VPS53: variants seen among roughly 807,000 people sequenced by gnomAD.
The protein encoded by VPS53 is vacuolar protein sorting-associated protein 53 homolog.
In VPS53, 70 loss-of-function variants were observed where a neutral mutation model predicts 107.0. The ratio of observed to expected loss-of-function variants is 0.65; its 90% CI spans 0.54 to 0.80. The LOEUF is 0.80. Ranked by LOEUF, VPS53 falls within the 30% of genes least tolerant of loss-of-function variation. VPS53 has a pLI of 0.00. For synonymous variants in VPS53, 409 were observed against 393.3 expected (o/e 1.04, Z -0.47); for missense variants, 917 against 1,049.4 (o/e 0.87, Z 1.74).
At chr17:682,473 C>T (rs1386118747) in intron 4 of VPS53, among the ~76,000 whole-genome samples, 2 of 152,084 alleles carry the variant, frequency 1.3e-5, no homozygotes, top group African/African-American at 4.8e-5. Context: ...AGAACCGTCT[C>T]CATGTAGAAG....
intron 15 of VPS53, among the ~76,000 whole-genome samples, chr17:555,303 C>T (rs1332037992): frequency 1.3e-5 from 2 of 152,304 alleles, no homozygotes; most frequent in Admixed American, 6.5e-5. Flanking sequence ...TTATTCCTCT[C>T]CCTGAAACAT....
intron 11 of VPS53, among the ~76,000 whole-genome samples, chr17:607,317 T>C (rs998694643): frequency 6.6e-6 from 1 of 152,210 alleles, no homozygotes; most frequent in Non-Finnish European, 1.5e-5. Context: ...AACTTTGCAC[T>C]TTCTAAGTGG....
intron 4 of VPS53, among the ~76,000 whole-genome samples, chr17:683,614 T>C (rs1972481157): frequency 6.6e-6 from 1 of 152,240 alleles, no homozygotes; most frequent in Admixed American, 6.5e-5. Flanking sequence ...TGCCTTCATT[T>C]GCTTCTCTGC....
At chr17:633,948 GA>G in intron 7 of VPS53, among the ~76,000 whole-genome samples, 1 of 152,172 alleles carries the variant, frequency 6.6e-6, no homozygotes, top group Non-Finnish European at 1.5e-5. Flanking sequence ...CCTCTTCTTG[GA>G]AGCACACACA....
rs1382355568 is a variant in VPS53, at chr17:679,433, G to A, written c.286-17538C>T. Among the ~76,000 whole-genome samples, 6 of 152,234 alleles carry A rather than the reference G, an allele frequency of 3.9e-5. No individual in the cohort carries two copies. In the East Asian group the frequency reaches 1.2e-3, roughly 29 times the overall value. ...GGAGGCTGAGGCGGGAGAATCGCTT[G>A]AACCCAGGAGGCGGAGCTTGCAGTG... On this transcript the variant is annotated intron_variant, in intron 4 of 21. Coordinates refer to ENST00000437048, the MANE Select transcript of VPS53 (RefSeq NM_001128159.3).
At chr17:677,698 T>C (rs1449692784) in intron 4 of VPS53, among the ~76,000 whole-genome samples, 4 of 152,154 alleles carry the variant, frequency 2.6e-5, no homozygotes, top group Non-Finnish European at 5.9e-5. Context: ...ATGAATTATA[T>C]GTGAATTATA....
intron 19 of VPS53, among the ~76,000 whole-genome samples, chr17:523,966 C>G (rs1337882539): frequency 6.6e-6 from 1 of 152,122 alleles, no homozygotes; most frequent in Non-Finnish European, 1.5e-5. Context: ...CTAAAGCATT[C>G]TAGGTGGATT....
intron 12 of VPS53, among the ~76,000 whole-genome samples, chr17:597,083 G>A (rs1968010454): frequency 6.6e-6 from 1 of 152,146 alleles, no homozygotes; most frequent in African/African-American, 2.4e-5. Context: ...TTTTATCATT[G>A]GGAATATCTT....
chr17:571,029 A>T (rs1913989148), intron 13 of VPS53, among the ~76,000 whole-genome samples: 1 of 152,144 alleles, frequency 6.6e-6, no homozygotes, highest in Non-Finnish European at 1.5e-5. Flanking sequence ...GTTCAGGAAA[A>T]AAGTACAGGT....
At chr17:607,031 A>C (rs1968619640) in intron 11 of VPS53, among the ~76,000 whole-genome samples, 2 of 152,206 alleles carry the variant, frequency 1.3e-5, no homozygotes, top group African/African-American at 4.8e-5. Context: ...CCTGCTGTTA[A>C]GCAATGCATG....
At chr17:614,252 A>G (rs1368323997) in intron 11 of VPS53, among the ~76,000 whole-genome samples, 1 of 152,198 alleles carries the variant, frequency 6.6e-6, no homozygotes. Context: ...TTAAACGATA[A>G]ATTTCATGTG....
Position 514,868 on chromosome 17 carries a change from GCT to G in VPS53, c.*4258_*4259del, listed in dbSNP as rs1237662344. 1 of 152,270 alleles carries G rather than the reference GCT, an allele frequency of 6.6e-6. No homozygotes were observed. Among genetic ancestry groups the G allele is most frequent in the Non-Finnish European group, 1.5e-5 (1 of 68,104 alleles). 9.4% of individuals were successfully genotyped at this position (152,270 alleles called of 1,614,324 possible). A position where few individuals can be genotyped will look rare whatever the true frequency, so the allele number is the denominator to read the frequency against. ...GGGGTGGGCAGAGCCCTGGGTACTG[GCT>G]CTTTGTTCTTCGAGAGAGGAAGGAG... is the stretch of plus-strand genomic sequence containing the variant. On this transcript the variant is annotated 3_prime_UTR_variant, in exon 22 of 22. Coordinates refer to ENST00000437048, the MANE Select transcript of VPS53 (RefSeq NM_001128159.3).
chr17:586,466 G>C (rs1042148538), intron 12 of VPS53, 102 bp from the exon 13 acceptor site: 1 of 1,120,348 alleles, frequency 8.9e-7, no homozygotes, highest in East Asian at 2.5e-5. Context: ...CTAAGTCACA[G>C]ATAAGAGAGT....
chr17:652,554 G>A (rs1360752901), intron 7 of VPS53, among the ~76,000 whole-genome samples: 3 of 152,098 alleles, frequency 2.0e-5, no homozygotes, highest in African/African-American at 7.2e-5. Context: ...AGACAACAAA[G>A]AATCCCAGCA....
chr17:594,672 G>A (rs1483277651), intron 12 of VPS53, among the ~76,000 whole-genome samples: 2 of 129,096 alleles, frequency 1.5e-5, no homozygotes, highest in African/African-American at 3.0e-5. Flanking sequence ...ATGCACTCTA[G>A]TGTCCCCCTG....
At chr17:576,954 A>G (rs1255880924) in intron 13 of VPS53, among the ~76,000 whole-genome samples, 1 of 149,818 alleles carries the variant, frequency 6.7e-6, no homozygotes, top group Non-Finnish European at 1.5e-5. Flanking sequence ...ATGCTTTCCT[A>G]GAGAACCTCC....
chr17:586,191 A>T (rs2304951), intron 13 of VPS53, 79 bp downstream of exon 13: 1 of 1,310,162 alleles, frequency 7.6e-7, no homozygotes, highest in African/African-American at 1.5e-5. Flanking sequence ...CCCCGGAAGG[A>T]GCTGTGCGCT....
At chr17:534,715 T>C (rs1343878427) in intron 18 of VPS53, among the ~76,000 whole-genome samples, 2 of 152,138 alleles carry the variant, frequency 1.3e-5, no homozygotes, top group Non-Finnish European at 2.9e-5. Context: ...CCCAGGAGTT[T>C]GAGACCAGCC....
chr17:574,219 G>A (rs137973947), intron 13 of VPS53, among the ~76,000 whole-genome samples: 2 of 152,272 alleles, frequency 1.3e-5, no homozygotes, highest in Non-Finnish European at 2.9e-5. Context: ...CCTTAGTGCT[G>A]CGGAAACTTC....
Sources: allele counts gnomAD v4.1 joint callset (sites outside exome capture counted in the v4.1 genomes callset), GRCh38; gene constraint gnomAD v4.1.1; transcripts MANE v1.5; gene names NCBI Gene and HGNC (gene_info 2026-07-23, HGNC 2026-07-21).